ACVR1C: variants seen among roughly 807,000 people sequenced by gnomAD.
ACVR1C encodes the protein activin receptor type-1C.
In ACVR1C, 23 loss-of-function variants were observed where a neutral mutation model predicts 57.9. The observed-to-expected ratio is 0.40, with a 90% CI of 0.29 to 0.56. The LOEUF is 0.56. Ranked by LOEUF, ACVR1C falls within the 20% of genes least tolerant of loss-of-function variation. The pLI is 0.50. For synonymous variants in ACVR1C, 214 were observed against 215.3 expected (o/e 0.99, Z 0.05); for missense variants, 480 against 607.9 (o/e 0.79, Z 2.21).
At chr2:157,625,871 A>T (rs1311008719) in intron 1 of ACVR1C, among the ~76,000 whole-genome samples, 3 of 152,172 alleles carry the variant, frequency 2.0e-5, no homozygotes, top group African/African-American at 7.2e-5. Flanking sequence ...TTGGGTACAC[A>T]TGGTGAATAT....
chr2:157,550,735 A>G (rs1687894254), intron 3 of ACVR1C, among the ~76,000 whole-genome samples: 1 of 11,724 alleles, frequency 8.5e-5, no homozygotes. Context: ...GAGTAAAAGC[A>G]AAAAAAAAAA....
intron 1 of ACVR1C, among the ~76,000 whole-genome samples, chr2:157,595,953 G>C (rs1041267153): frequency 6.6e-6 from 1 of 152,148 alleles, no homozygotes; most frequent in Non-Finnish European, 1.5e-5. Context: ...ATCACAATCT[G>C]TAATTCGCTT....
intron 1 of ACVR1C, among the ~76,000 whole-genome samples, chr2:157,619,914 C>T (rs980219696): frequency 6.6e-6 from 1 of 151,804 alleles, no homozygotes; most frequent in African/African-American, 2.4e-5. Flanking sequence ...GCCATCACTA[C>T]AAATCTTACA....
intron 7 of ACVR1C, among the ~76,000 whole-genome samples, chr2:157,540,487 A>T (rs4132018): frequency 6.6e-5 from 10 of 151,854 alleles, no homozygotes; most frequent in Non-Finnish European, 1.2e-4. Flanking sequence ...TAGTAGAGAC[A>T]GGTTTCTCCA....
intron 1 of ACVR1C, among the ~76,000 whole-genome samples, chr2:157,597,038 A>G (rs888323000): frequency 3.9e-5 from 6 of 151,976 alleles, no homozygotes; most frequent in African/African-American, 1.4e-4. Flanking sequence ...GGTTTCTTGG[A>G]GGTGAATCTT....
At chr2:157,619,385 T>C (rs927779390) in intron 1 of ACVR1C, among the ~76,000 whole-genome samples, 5 of 151,972 alleles carry the variant, frequency 3.3e-5, no homozygotes, top group Admixed American at 3.3e-4. Context: ...TCACAATTTA[T>C]GGATGAGCTG....
intron 4 of ACVR1C, among the ~76,000 whole-genome samples, chr2:157,545,693 T>C (rs1334219704): frequency 6.6e-6 from 1 of 152,232 alleles, no homozygotes; most frequent in Non-Finnish European, 1.5e-5. Context: ...TAAGAGATGA[T>C]AGAGGTAGAC....
At chr2:157,604,792 C>T (rs1441848487) in intron 1 of ACVR1C, among the ~76,000 whole-genome samples, 1 of 151,794 alleles carries the variant, frequency 6.6e-6, no homozygotes, top group African/African-American at 2.4e-5. Context: ...TTTTTGGATA[C>T]AAGTGCTTTA....
chr2:157,538,854 A>G, intron 7 of ACVR1C, 151 bp from the exon 8 acceptor site: 1 of 525,960 alleles, frequency 1.9e-6, no homozygotes, highest in Non-Finnish European at 2.9e-6. Context: ...CTATAAAATC[A>G]AGGATATAAG....
chr2:157,574,057 G>A (rs1001177710), intron 2 of ACVR1C, among the ~76,000 whole-genome samples: 1 of 152,094 alleles, frequency 6.6e-6, no homozygotes, highest in East Asian at 1.9e-4. Flanking sequence ...ATTCAGCTTC[G>A]GCCAACTGAT....
chr2:157,541,902 C>A (rs1687634651), intron 6 of ACVR1C, among the ~76,000 whole-genome samples: 1 of 152,146 alleles, frequency 6.6e-6, no homozygotes, highest in Non-Finnish European at 1.5e-5. Context: ...ATTTCAAGGT[C>A]ATGAACTCTG....
chr2:157,540,975 T>G, intron 7 of ACVR1C, 115 bp downstream of exon 7: 2 of 1,305,564 alleles, frequency 1.5e-6, no homozygotes, highest in Non-Finnish European at 2.1e-6. Context: ...AGGTATTCTC[T>G]TAAATACTAA....
At chr2:157,591,915 G>C (rs1490543913) in intron 1 of ACVR1C, among the ~76,000 whole-genome samples, 1 of 151,962 alleles carries the variant, frequency 6.6e-6, no homozygotes, top group Non-Finnish European at 1.5e-5. Context: ...CTCAAGCAAT[G>C]GTACCTTTCA....
At chr2:157,612,968 G>A (rs374602225) in intron 1 of ACVR1C, among the ~76,000 whole-genome samples, 3 of 152,198 alleles carry the variant, frequency 2.0e-5, no homozygotes, top group African/African-American at 7.2e-5. Flanking sequence ...CCCAGTACAA[G>A]TTCCCTGTCT....
intron 1 of ACVR1C, among the ~76,000 whole-genome samples, chr2:157,625,451 T>A (rs1298572606): frequency 6.6e-6 from 1 of 152,134 alleles, no homozygotes; most frequent in Non-Finnish European, 1.5e-5. Context: ...AATCAACCAA[T>A]AAATGACTAT....
At chr2:157,566,254 C>G (rs1028783593) in intron 2 of ACVR1C, among the ~76,000 whole-genome samples, 26 of 152,338 alleles carry the variant, frequency 1.7e-4, no homozygotes, top group Admixed American at 1.4e-3. Context: ...TTCCCCAGCA[C>G]ATAGTACAGA....
At chr2:157,538,752 C>T (rs376025832) in intron 7 of ACVR1C, 49 bp from the exon 8 acceptor site, 4 of 1,413,068 alleles carry the variant, frequency 2.8e-6, no homozygotes, top group Non-Finnish European at 2.8e-6. Flanking sequence ...AATAAACAAA[C>T]ATGTCTATTT....
chr2:157,581,858 A>G (rs1459297655), intron 2 of ACVR1C, among the ~76,000 whole-genome samples: 2 of 152,186 alleles, frequency 1.3e-5, no homozygotes, highest in African/African-American at 4.8e-5. Flanking sequence ...TTCAGAGTAC[A>G]TTTCTATATT....
chr2:157,586,090 C>T (rs1688914378), intron 2 of ACVR1C, among the ~76,000 whole-genome samples: 1 of 151,996 alleles, frequency 6.6e-6, no homozygotes, highest in Non-Finnish European at 1.5e-5. Context: ...AAAAAGTCTC[C>T]TTTCCTGCTA....
Sources: allele counts gnomAD v4.1 joint callset (sites outside exome capture counted in the v4.1 genomes callset), GRCh38; gene constraint gnomAD v4.1.1; transcripts MANE v1.5; gene names NCBI Gene and HGNC (gene_info 2026-07-23, HGNC 2026-07-21).